The following GLRA2 variants were observed in gnomAD, a reference collection of about 807,000 sequenced individuals.
GLRA2 encodes the protein glycine receptor alpha 2.
A neutral mutation model predicts 31.6 loss-of-function variants in GLRA2; 11 were observed. That is an observed-to-expected ratio of 0.35 (90% CI 0.22 to 0.58). The LOEUF is 0.58. Among genes scored for constraint, GLRA2 ranks in the 20% least tolerant of loss-of-function variants. The pLI is 0.84. For synonymous variants in GLRA2, 132 were observed against 134.0 expected (o/e 0.99, Z 0.10); for missense variants, 212 against 351.8 (o/e 0.60, Z 3.18).
chrX:14,640,500 C>T (rs948202318), intron 7 of GLRA2, among the ~76,000 whole-genome samples: 4 of 111,294 alleles, frequency 3.6e-5, no homozygotes, highest in African/African-American at 9.8e-5. Context: ...CATTAAAATG[C>T]CATAAAATGT....
At chrX:14,530,936 T>G in intron 1 of GLRA2, 1 of 860,213 alleles carries the variant, frequency 1.2e-6, no homozygotes. Context: ...GACTCTAAAT[T>G]TAATTTTCAT....
At chrX:14,693,285 G>C (rs2091391158) in intron 8 of GLRA2, among the ~76,000 whole-genome samples, 1 of 111,850 alleles carries the variant, frequency 8.9e-6, no homozygotes, top group African/African-American at 3.2e-5. Context: ...TGTGGATAAA[G>C]ATATCTCATG....
intron 5 of GLRA2, among the ~76,000 whole-genome samples, chrX:14,605,240 T>G (rs2090322175): frequency 9.0e-6 from 1 of 111,714 alleles, no homozygotes; most frequent in Non-Finnish European, 1.9e-5. Context: ...ACTTTTAACT[T>G]CTTGGTTTAG....
chrX:14,550,573 C>A (rs1431888624), intron 2 of GLRA2, among the ~76,000 whole-genome samples: 2 of 110,870 alleles, frequency 1.8e-5, no homozygotes, highest in Non-Finnish European at 3.8e-5. Flanking sequence ...CAAGCATGGG[C>A]TGGTCCTGGG....
chrX:14,625,852 A>G (rs1476344372), intron 7 of GLRA2, among the ~76,000 whole-genome samples: 3 of 111,636 alleles, frequency 2.7e-5, no homozygotes, highest in Non-Finnish European at 3.8e-5. Context: ...TTTAAAGTTC[A>G]CATCAACCCA....
intron 4 of GLRA2, among the ~76,000 whole-genome samples, chrX:14,584,608 G>A (rs184697984): frequency 1.8e-5 from 2 of 112,090 alleles, no homozygotes; most frequent in Admixed American, 1.9e-4. Context: ...TGTAAAAAGC[G>A]GCAAAGTCAC....
intron 5 of GLRA2, among the ~76,000 whole-genome samples, chrX:14,604,704 A>G (rs1383033237): frequency 1.8e-5 from 2 of 109,918 alleles, no homozygotes; most frequent in African/African-American, 6.6e-5. Flanking sequence ...TAAGCTTTTC[A>G]TTGAAATGAA....
chrX:14,510,456 C>T, the GLRA2 span, among the ~76,000 whole-genome samples: 4 of 111,256 alleles, frequency 3.6e-5, no homozygotes, highest in African/African-American at 9.8e-5. Context: ...TAACATTGGC[C>T]CCCAGAGGTA....
At chrX:14,725,259 T>C (rs1033989565) in intron 8 of GLRA2, among the ~76,000 whole-genome samples, 7 of 111,925 alleles carry the variant, frequency 6.3e-5, no homozygotes, top group Non-Finnish European at 1.1e-4. Context: ...AAGGAGGAAA[T>C]TGAAGCCTTA....
intron 4 of GLRA2, among the ~76,000 whole-genome samples, chrX:14,582,363 A>C (rs2090031073): frequency 9.2e-6 from 1 of 108,946 alleles, no homozygotes; most frequent in South Asian, 4.0e-4. Flanking sequence ...GATGATTTCC[A>C]ATTTCATCCA....
chrX:14,694,277 A>C (rs1601844491), intron 8 of GLRA2, among the ~76,000 whole-genome samples: 1 of 111,564 alleles, frequency 9.0e-6, no homozygotes, highest in African/African-American at 3.2e-5. Flanking sequence ...AAATTTCTGC[A>C]CAATCTCACT....
At chrX:14,559,870 C>G (rs1449597856) in intron 2 of GLRA2, among the ~76,000 whole-genome samples, 1 of 111,568 alleles carries the variant, frequency 9.0e-6, no homozygotes, top group African/African-American at 3.3e-5. Flanking sequence ...TTTCTCTATT[C>G]TTTCAGATTA....
At chrX:14,688,149 C>G (rs943472096) in intron 7 of GLRA2, among the ~76,000 whole-genome samples, 6 of 111,349 alleles carry the variant, frequency 5.4e-5, no homozygotes, top group Non-Finnish European at 1.1e-4. Context: ...GCTGCCTGAT[C>G]TTTCCTCTGG....
At chrX:14,609,425 GA>G (rs1028268416) in intron 7 of GLRA2, among the ~76,000 whole-genome samples, 2 of 111,129 alleles carry the variant, frequency 1.8e-5, no homozygotes, top group African/African-American at 6.5e-5. Flanking sequence ...TTAGTATTGA[GA>G]GGGAAGAGAA....
At chrX:14,511,976 A>G in the GLRA2 span, among the ~76,000 whole-genome samples, 109 of 111,693 alleles carry the variant, frequency 9.8e-4, no homozygotes, top group African/African-American at 3.4e-3. Context: ...GAATGTTCCA[A>G]TTAATACCAT....
chrX:14,532,498 T>C, intron 2 of GLRA2, 126 bp downstream of exon 2: 1 of 388,490 alleles, frequency 2.6e-6, no homozygotes, highest in Non-Finnish European at 4.3e-6. Flanking sequence ...GTTCATTTTA[T>C]TTTGGTATTC....
At position 14,730,570 on chromosome X, in the gene GLRA2, AGAG is replaced by A. The variant is rs1244718850; in HGVS notation, c.*89_*91del. ...GAAATTGTCTTTATATCACTTTGAC[AGAG>A]GAGAAGATTGAGGGAGGGGGGAGGG... On this transcript the variant is annotated 3_prime_UTR_variant, in exon 9 of 9. Transcript: ENST00000218075. 6.2e-5 allele frequency: 10 copies of A among 160,034 alleles called. No homozygotes were observed. Among genetic ancestry groups the A allele is most frequent in the Non-Finnish European group, 1.2e-5 (1 of 83,252 alleles). The allele number at this position is 160,034 out of a possible 1,213,427, so 13.2% of individuals were successfully genotyped here. A position where few individuals can be genotyped will look rare whatever the true frequency, so the allele number is the denominator to read the frequency against.
At chrX:14,514,678 C>G in the GLRA2 span, among the ~76,000 whole-genome samples, 1 of 111,234 alleles carries the variant, frequency 9.0e-6, no homozygotes, top group African/African-American at 3.3e-5. Flanking sequence ...CTTTAATTCT[C>G]CAGTTAAAAA....
the GLRA2 span, among the ~76,000 whole-genome samples, chrX:14,513,438 AG>A: frequency 4.5e-5 from 5 of 112,256 alleles, no homozygotes; most frequent in Admixed American, 9.4e-5. Context: ...TAAACTAAAA[AG>A]CTTCTGCACA....
Sources: gnomAD v4.1 joint callset for allele counts (sites outside exome capture counted in the v4.1 genomes callset) on GRCh38, gnomAD v4.1.1 for gene constraint, MANE v1.5 for transcripts, NCBI Gene and HGNC (gene_info 2026-07-23, HGNC 2026-07-21) for gene names.